HNRNPD: variants seen among roughly 807,000 people sequenced by gnomAD.
HNRNPD encodes the protein heterogeneous nuclear ribonucleoprotein D0.
A neutral mutation model predicts 47.9 loss-of-function variants in HNRNPD; 3 were observed. That is an observed-to-expected ratio of 0.06 (90% CI 0.03 to 0.16). The LOEUF (loss-of-function observed/expected upper bound fraction) is 0.16. Ranked by LOEUF, HNRNPD falls within the 10% of genes least tolerant of loss-of-function variation. The pLI is 1.00. For missense variants in HNRNPD, 287 were observed against 454.2 expected (o/e 0.63, Z 3.35); for synonymous variants, 171 against 165.1 (o/e 1.04, Z -0.28).
In HNRNPD at chr4:82,373,680, G is replaced by T; in HGVS notation, c.-2C>A. ...CCCGCCGAACTGCTCCTCCGACATA[G>T]TGCTAGTGTCTCCGCCGCTGCCGCC... On this transcript the variant is annotated 5_prime_UTR_variant, in exon 1 of 9. Coordinates refer to ENST00000313899, the MANE Select transcript of HNRNPD (RefSeq NM_031370.3). 1 of 1,529,146 alleles carries T rather than the reference G, an allele frequency of 6.5e-7. No homozygotes were observed. Among genetic ancestry groups the T allele is most frequent in the Middle Eastern group, 2.3e-4 (1 of 4,376 alleles). The allele number at this position is 1,529,146 out of a possible 1,614,324, so 94.7% of individuals were successfully genotyped here. A position where few individuals can be genotyped will look rare whatever the true frequency, so the allele number is the denominator to read the frequency against.
intron 8 of HNRNPD, chr4:82,354,402 GTAT>G (rs1023816113): frequency 6.6e-6 from 1 of 152,588 alleles, no homozygotes; most frequent in Non-Finnish European, 1.5e-5. Context: ...AAGCTTTAAA[GTAT>G]TTACCCAAAG....
chr4:82,357,439 T>G lies in HNRNPD; in HGVS notation c.627A>C (p.Glu209Asp). 1 of 1,596,218 alleles carries G rather than the reference T, an allele frequency of 6.3e-7. No individual in the cohort carries two copies. The highest frequency in any genetic ancestry group is 8.5e-7 in the Non-Finnish European group (1 of 1,175,436). Residue 209 changes from glutamate (E) to aspartate (D), a missense_variant, in exon 5 of 9, where the codon GAA (glutamate) becomes GAC (aspartate). Transcript: ENST00000313899. ...TGTTGTCCATGGGGAGCTCTATGGATTCCACCTGGTATTAAAAAACAAATT... is the reference window on the plus strand; with the variant it reads ...TGTTGTCCATGGGGAGCTCTATGGAGTCCACCTGGTATTAAAAAACAAATT... ...REYFGGFGEV[E>D]SIELPMDNKT...
chr4:82,357,479 T>A lies in HNRNPD; in HGVS notation c.622-35A>T, dbSNP rs778014041. On this transcript the variant is annotated intron_variant, in intron 4 of 8. Coordinates refer to ENST00000313899, the MANE Select transcript of HNRNPD (RefSeq NM_031370.3). ...AAAAACAAATTTTAATATGCTAACA[T>A]GCATTTTATTGACCTTAAAAGAAAC... The A allele has an allele frequency of 1.3e-5, 21 of 1,559,242 alleles. No homozygotes were observed. The Admixed American group carries it at 3.9e-4, about 29-fold the overall frequency.
chr4:82,363,697 T>C (rs993818945), intron 2 of HNRNPD, among the ~76,000 whole-genome samples: 1 of 152,194 alleles, frequency 6.6e-6, no homozygotes, highest in East Asian at 1.9e-4. Context: ...TTGAGTATCT[T>C]AATCCTAGCT....
At chr4:82,363,090 CT>C (rs1348660321) in intron 2 of HNRNPD, among the ~76,000 whole-genome samples, 1 of 143,740 alleles carries the variant, frequency 7.0e-6, no homozygotes, top group African/African-American at 2.6e-5. Flanking sequence ...TTATTTTTTT[CT>C]TTTTAAACAG....
chr4:82,371,736 A>C, intron 1 of HNRNPD, 152 bp from the exon 2 acceptor site: 2 of 590,622 alleles, frequency 3.4e-6, no homozygotes. Flanking sequence ...GGGCTAACAG[A>C]AAGCCTGCCC....
At chr4:82,367,444 C>T (rs972362659) in intron 2 of HNRNPD, among the ~76,000 whole-genome samples, 1 of 152,098 alleles carries the variant, frequency 6.6e-6, no homozygotes, top group Non-Finnish European at 1.5e-5. Context: ...GATGAATTTT[C>T]CAACGTTTTA....
At chr4:82,368,804 G>C (rs1048246482) in intron 2 of HNRNPD, among the ~76,000 whole-genome samples, 3 of 152,154 alleles carry the variant, frequency 2.0e-5, no homozygotes, top group African/African-American at 7.2e-5. Context: ...GAAGCACTAA[G>C]GTATAAGACC....
At chr4:82,358,434 C>T in intron 4 of HNRNPD, 2 of 414,940 alleles carry the variant, frequency 4.8e-6, no homozygotes, top group African/African-American at 4.1e-5. Flanking sequence ...TCTTTGTATA[C>T]TCTACCCCAG....
At chr4:82,368,253 TATGTATACTCAA>T (rs1719862955) in intron 2 of HNRNPD, among the ~76,000 whole-genome samples, 1 of 152,166 alleles carries the variant, frequency 6.6e-6, no homozygotes, top group African/African-American at 2.4e-5. Flanking sequence ...GTATACTCAA[TATGTATACTCAA>T]ATGTATACTC....
intron 2 of HNRNPD, among the ~76,000 whole-genome samples, chr4:82,362,427 C>G (rs1415238656): frequency 6.6e-6 from 1 of 151,590 alleles, no homozygotes; most frequent in Non-Finnish European, 1.5e-5. Context: ...AACACTCTGG[C>G]TTTTTCTTCT....
chr4:82,366,853 G>A (rs36048136), intron 2 of HNRNPD, among the ~76,000 whole-genome samples: 25,887 of 151,502 alleles, frequency 0.17, 2,634 homozygotes, highest in Non-Finnish European at 0.23. Context: ...GAGCCACTAC[G>A]CCTGGCCTAA....
chr4:82,356,713 C>G (rs1560433341), intron 6 of HNRNPD, 30 bp from the exon 7 acceptor site: 1 of 1,613,534 alleles, frequency 6.2e-7, no homozygotes, highest in Non-Finnish European at 8.5e-7. Flanking sequence ...TCACTAAAGT[C>G]AGAAGATCAG....
intron 2 of HNRNPD, among the ~76,000 whole-genome samples, chr4:82,368,355 G>A (rs778114403): frequency 6.6e-6 from 1 of 152,004 alleles, no homozygotes; most frequent in Admixed American, 6.6e-5. Context: ...GAGTACCCAG[G>A]AAATATTAAA....
chr4:82,373,537 C>T lies in HNRNPD; in HGVS notation c.142G>A (p.Gly48Arg), dbSNP rs1310567783. 6.5e-7 allele frequency: 1 copy of T among 1,541,028 alleles called. No homozygotes were observed. The highest frequency in any genetic ancestry group is 8.7e-7 in the Non-Finnish European group (1 of 1,143,146). ...AAAAGSGAGT[G>R]GGTASGGTEG... ...GTGCCTCCAGACGCGGTTCCGCCCC[C>T]GGTCCCGGCTCCGCTTCCCGCCGCC... The change falls in exon 1 of 9, where the codon GGG becomes AGG. Residue 48 changes from glycine (G) to arginine (R), a missense_variant. Gly to Arg is a moderately radical substitution (Grantham distance 125, BLOSUM62 -2). Around this residue, in one of 5 missense-constraint regions of HNRNPD, gnomAD observed 161 missense variants for 137.1 expected, o/e 1.17. Transcript: ENST00000313899.
Position 82,373,873 on chromosome 4 carries a change from G to A in HNRNPD, c.-195C>T. The A allele has an allele frequency of 7.8e-7, 1 of 1,290,120 alleles. No homozygotes were observed. The highest frequency in any genetic ancestry group is 1.6e-5 in the African/African-American group (1 of 64,032). The allele number at this position is 1,290,120 out of a possible 1,614,324, so 79.9% of individuals were successfully genotyped here. Reference sequence around the variant, plus strand: ...CCTGCCCCCTTCGCCTCCCACTCTCGCGCGGCGCACACTCCCGCTCTCTCC... The same window carrying A: ...CCTGCCCCCTTCGCCTCCCACTCTCACGCGGCGCACACTCCCGCTCTCTCC... On this transcript the variant is annotated 5_prime_UTR_variant, in exon 1 of 9. Transcript: ENST00000313899.
At chr4:82,358,857 T>G (rs1295334002) in intron 3 of HNRNPD, 37 bp from the exon 4 acceptor site, 1 of 1,449,084 alleles carries the variant, frequency 6.9e-7, no homozygotes, top group Non-Finnish European at 9.5e-7. Flanking sequence ...AAAATATATA[T>G]CTTAACTGAA....
At chr4:82,373,396 G>C (rs754133353) in intron 1 of HNRNPD, 50 bp downstream of exon 1, 2 of 1,522,876 alleles carry the variant, frequency 1.3e-6, no homozygotes, top group African/African-American at 1.4e-5. Flanking sequence ...GAATAAAGAG[G>C]GGGAGGGGGA....
chr4:82,370,083 G>T (rs1439899168), intron 2 of HNRNPD, among the ~76,000 whole-genome samples: 1 of 152,114 alleles, frequency 6.6e-6, no homozygotes, highest in Non-Finnish European at 1.5e-5. Flanking sequence ...TGGAGGTTGC[G>T]CTGAGCCAAG....
Sources: gnomAD v4.1 joint callset for allele counts (sites outside exome capture counted in the v4.1 genomes callset) on GRCh38, gnomAD v4.1.1 for gene constraint, gnomAD v4.1.1 regional missense constraint, MANE v1.5 for transcripts, NCBI Gene and HGNC (gene_info 2026-07-23, HGNC 2026-07-21) for gene names.